Variants in BRD10 observed in about 807,000 individuals in gnomAD.
The protein encoded by BRD10 is bromodomain containing 10.
At chr9:5,911,220 T>C in the BRD10 span, among the ~76,000 whole-genome samples, 1 of 152,214 alleles carries the variant, frequency 6.6e-6, no homozygotes, top group African/African-American at 2.4e-5. Flanking sequence ...GATTTTTGTA[T>C]ATGGCAAAAG....
chr9:5,905,670 T>C, the BRD10 span, among the ~76,000 whole-genome samples: 2 of 152,206 alleles, frequency 1.3e-5, no homozygotes, highest in Non-Finnish European at 2.9e-5. Context: ...AACTAAAGAA[T>C]ACCTAAAACC....
At chr9:5,954,026 G>A in the BRD10 span, 1 of 1,558,110 alleles carries the variant, frequency 6.4e-7, no homozygotes, top group East Asian at 2.3e-5. Flanking sequence ...CTGAAACTCT[G>A]GTACAGTAGG....
the BRD10 span, among the ~76,000 whole-genome samples, chr9:5,882,715 C>T: frequency 2.6e-5 from 4 of 152,112 alleles, no homozygotes; most frequent in Admixed American, 2.6e-4. Context: ...CTCAGTGTGG[C>T]GATTCCTCAA....
chr9:6,004,452 T>C, the BRD10 span, among the ~76,000 whole-genome samples: 1 of 152,198 alleles, frequency 6.6e-6, no homozygotes, highest in Non-Finnish European at 1.5e-5. Context: ...GTGTCCAGGG[T>C]ACTAATGCTA....
the BRD10 span, among the ~76,000 whole-genome samples, chr9:5,949,698 T>C: frequency 1.3e-5 from 2 of 152,218 alleles, no homozygotes; most frequent in African/African-American, 4.8e-5. Flanking sequence ...CTAAGGCTGT[T>C]AAATTATTTT....
chr9:5,987,009 A>G, the BRD10 span, among the ~76,000 whole-genome samples: 3 of 152,322 alleles, frequency 2.0e-5, no homozygotes, highest in East Asian at 5.8e-4. Context: ...CTAGCTCTAG[A>G]GCCAGGCTGA....
the BRD10 span, among the ~76,000 whole-genome samples, chr9:5,954,843 C>G: frequency 3.3e-5 from 5 of 152,124 alleles, no homozygotes; most frequent in Admixed American, 2.6e-4. Flanking sequence ...GTAATCCCAG[C>G]ACTTTGGGAG....
the BRD10 span, among the ~76,000 whole-genome samples, chr9:5,935,190 C>G: frequency 6.6e-5 from 10 of 152,146 alleles, no homozygotes; most frequent in African/African-American, 2.4e-4. Context: ...TCTTGATACT[C>G]TTACCAATTT....
At chr9:5,889,519 G>T in the BRD10 span, among the ~76,000 whole-genome samples, 1 of 152,178 alleles carries the variant, frequency 6.6e-6, no homozygotes, top group East Asian at 1.9e-4. Flanking sequence ...GGGCGCGGTG[G>T]CTCATGCCTG....
the BRD10 span, among the ~76,000 whole-genome samples, chr9:5,914,931 T>C: frequency 6.6e-6 from 1 of 151,986 alleles, no homozygotes; most frequent in South Asian, 2.1e-4. Context: ...AAAATGTGAA[T>C]AACAATATGT....
At chr9:5,965,876 G>A in the BRD10 span, among the ~76,000 whole-genome samples, 5 of 152,170 alleles carry the variant, frequency 3.3e-5, no homozygotes, top group Non-Finnish European at 7.3e-5. Context: ...ACAGGGTAAA[G>A]CCTCAGATAG....
chr9:5,895,057 A>G, the BRD10 span, among the ~76,000 whole-genome samples: 1 of 152,188 alleles, frequency 6.6e-6, no homozygotes, highest in Admixed American at 6.5e-5. Flanking sequence ...TTCCAGCACA[A>G]AAGAAAAATA....
At chr9:5,906,884 G>C in the BRD10 span, 1 of 1,564,148 alleles carries the variant, frequency 6.4e-7, no homozygotes, top group Non-Finnish European at 8.6e-7. Flanking sequence ...TTACATTTCA[G>C]GATAAAAGTC....
the BRD10 span, among the ~76,000 whole-genome samples, chr9:5,949,437 A>G: frequency 2.6e-5 from 4 of 152,338 alleles, no homozygotes; most frequent in East Asian, 7.7e-4. Context: ...GTTATGTTGC[A>G]GTACTTTATT....
the BRD10 span, among the ~76,000 whole-genome samples, chr9:5,923,534 G>C: frequency 6.6e-6 from 1 of 152,084 alleles, no homozygotes; most frequent in Admixed American, 6.5e-5. Flanking sequence ...CTATTATTGA[G>C]AAAATTTTTT....
At chr9:5,919,274 T>A in the BRD10 span, 1 of 153,900 alleles carries the variant, frequency 6.5e-6, no homozygotes, top group Non-Finnish European at 1.4e-5. Flanking sequence ...GAAACAAAAA[T>A]AAGATTTCAC....
the BRD10 span, among the ~76,000 whole-genome samples, chr9:5,962,285 C>T: frequency 1.2e-4 from 17 of 140,576 alleles, no homozygotes; most frequent in African/African-American, 2.1e-4. Flanking sequence ...AACACCTCTA[C>T]GCAAATAAAC....
the BRD10 span, chr9:5,969,133 A>G: frequency 6.2e-7 from 1 of 1,613,780 alleles, no homozygotes; most frequent in Non-Finnish European, 8.5e-7. Flanking sequence ...CCCAGGTCCT[A>G]TAAGGCAAAG....
At chr9:5,896,963 G>A in the BRD10 span, among the ~76,000 whole-genome samples, 7 of 152,228 alleles carry the variant, frequency 4.6e-5, no homozygotes, top group Non-Finnish European at 1.0e-4. Context: ...TAATTGAGAC[G>A]GATTCAGGTT....
Sources: allele counts gnomAD v4.1 joint callset (sites outside exome capture counted in the v4.1 genomes callset), GRCh38; gene constraint gnomAD v4.1.1; transcripts MANE v1.5; gene names NCBI Gene and HGNC (gene_info 2026-07-23, HGNC 2026-07-21).